The following GLYATL1 variants were observed in gnomAD, a reference collection of about 807,000 sequenced individuals.
The protein encoded by GLYATL1 is glycine N-acyltransferase-like protein 1.
A neutral mutation model predicts 20.0 loss-of-function variants in GLYATL1; 15 were observed. The observed-to-expected ratio is 0.75, with a 90% CI of 0.50 to 1.15. The LOEUF is 1.15. GLYATL1 is among the 50% of genes most tolerant of loss of function. GLYATL1 has a pLI of 0.00. For synonymous variants in GLYATL1, 151 were observed against 131.5 expected (o/e 1.15, Z -1.01); for missense variants, 380 against 368.5 (o/e 1.03, Z -0.26).
chr11:58,955,067 G>T, intron 5 of GLYATL1, 109 bp from the exon 6 acceptor site: 7 of 1,259,200 alleles, frequency 5.6e-6, no homozygotes, highest in Non-Finnish European at 7.8e-6. Context: ...TGACTGTGGT[G>T]TAAACTCAAG....
chr11:58,954,874 G>C lies in GLYATL1; in HGVS notation c.291G>C (p.Trp97Cys). ...TGAAAAATTGTGAGATCGTAAACTG[G>C]AAACAGAGACTCCAAATCCAAGGTA... ...EVLKNCEIVN[W>C]KQRLQIQGLQ... Residue 97 changes from tryptophan to cysteine, a missense_variant, in exon 5 of 7, where the codon TGG becomes TGC. Coordinates refer to ENST00000532726, the MANE Select transcript of GLYATL1 (RefSeq NM_001389712.2). 1 of 1,611,702 alleles carries C rather than the reference G, an allele frequency of 6.2e-7. No individual in the cohort carries two copies. Among genetic ancestry groups the C allele is most frequent in the South Asian group, 1.1e-5 (1 of 90,306 alleles).
chr11:58,936,000 A>G (rs1855818006), upstream of GLYATL1, among the ~76,000 whole-genome samples: 1 of 152,230 alleles, frequency 6.6e-6, no homozygotes. Context: ...TTTCTCCATG[A>G]AGTATGACTT....
At chr11:58,937,554 A>G (rs1855891804), upstream of GLYATL1, among the ~76,000 whole-genome samples, 1 of 152,204 alleles carries the variant, frequency 6.6e-6, no homozygotes, top group Non-Finnish European at 1.5e-5. Flanking sequence ...CACTGCCTCA[A>G]AGTAACTTTG....
upstream of GLYATL1, among the ~76,000 whole-genome samples, chr11:58,938,897 A>G (rs546051): frequency 0.5 from 76,221 of 151,970 alleles, 19,161 homozygotes; most frequent in East Asian, 0.58. Context: ...CCCTACAGAT[A>G]GGTGAGGAGC....
At chr11:58,934,383 G>A (rs552247762) in intron 1 of GLYATL1, 185 of 152,672 alleles carry the variant, frequency 1.2e-3, no homozygotes, top group Admixed American at 3.7e-3. Flanking sequence ...CCAGCCTGGA[G>A]TCTGATGCTG....
intron 2 of GLYATL1, among the ~76,000 whole-genome samples, chr11:58,945,568 G>A (rs191317634): frequency 1.8e-4 from 28 of 152,186 alleles, no homozygotes; most frequent in Admixed American, 1.6e-3. Flanking sequence ...GTTTTTTTGC[G>A]GGGAGTGATA....
At chr11:58,950,316 C>T (rs117676645) in intron 4 of GLYATL1, among the ~76,000 whole-genome samples, 3,074 of 151,056 alleles carry the variant, frequency 0.02, 66 homozygotes, top group Non-Finnish European at 0.026. Context: ...AAAAAATAAA[C>T]AGAGGGATAT....
chr11:58,912,976 C>T (rs138594468), downstream of GLYATL1, among the ~76,000 whole-genome samples: 50 of 152,282 alleles, frequency 3.3e-4, no homozygotes, highest in East Asian at 8.7e-3. Context: ...ATTTGAGAGG[C>T]CTCTGAGGAG....
Position 58,947,875 on chromosome 11 carries a change from T to C in GLYATL1, c.96T>C (p.Tyr32=), listed in dbSNP as rs1290623764. 1 of 1,612,992 alleles carries C rather than the reference T, an allele frequency of 6.2e-7. No individual in the cohort carries two copies. Among genetic ancestry groups the C allele is most frequent in the African/African-American group, 1.3e-5 (1 of 74,894 alleles). Residue 32 remains tyrosine, a synonymous_variant, in exon 4 of 7, where the codon TAT becomes TAC. Coordinates refer to ENST00000532726, the MANE Select transcript of GLYATL1 (RefSeq NM_001389712.2). ...TCCTTCAGGTGTATGGCTCTGTGTA[T>C]CACATCAATCACGGGAACCCCTTCA... ...PESLKVYGSV[Y]HINHGNPFNM... is the part of the protein sequence containing the mutation.
At position 58,947,932 on chromosome 11, in the gene GLYATL1, A is replaced by G. The variant is rs541928311; in HGVS notation, c.153A>G (p.Glu51=). The G allele has an allele frequency of 8.1e-6, 13 of 1,613,880 alleles. No individual in the cohort carries two copies. The Admixed American group carries it at 1.3e-4, about 17-fold the overall frequency. ...AGGTGCTGGTGGATTCCTGGCCTGA[A>G]TATCAGATGGTTATTATCCGGCCTC... is the stretch of plus-strand genomic sequence containing the variant. ...NMEVLVDSWP[E]YQMVIIRPQK... The change falls in exon 4 of 7, where the codon GAA becomes GAG. Residue 51 remains glutamate (E), a synonymous_variant. Coordinates refer to ENST00000532726, the MANE Select transcript of GLYATL1 (RefSeq NM_001389712.2).
At chr11:58,955,099 A>G in intron 5 of GLYATL1, 77 bp from the exon 6 acceptor site, 2 of 1,377,460 alleles carry the variant, frequency 1.5e-6, no homozygotes, top group Non-Finnish European at 2.0e-6. Context: ...CTAAGCACTG[A>G]GGTATTAATC....
At chr11:58,920,622 G>T (rs1855287218) in intron 1 of GLYATL1, among the ~76,000 whole-genome samples, 1 of 152,182 alleles carries the variant, frequency 6.6e-6, no homozygotes, top group Non-Finnish European at 1.5e-5. Context: ...ACTAAAGGGG[G>T]CTTCCTGGCA....
chr11:58,934,091 T>A (rs971728252), intron 1 of GLYATL1: 2 of 153,420 alleles, frequency 1.3e-5, no homozygotes, highest in African/African-American at 4.8e-5. Context: ...CTGGCCAGAT[T>A]TTGGAATGAG....
Position 58,943,525 on chromosome 11 carries a change from A to G in GLYATL1, c.-166-18A>G. On this transcript the variant is annotated intron_variant, in intron 1 of 6. Transcript: ENST00000532726. ...AACTCCTTTAAGTTTAATTCAGCTG[A>G]AGTTTTTCTTTTATCAGATGGTGTC... 1.3e-6 allele frequency: 2 copies of G among 1,596,688 alleles called. No homozygotes were observed. Among genetic ancestry groups the G allele is most frequent in the Non-Finnish European group, 1.7e-6 (2 of 1,171,500 alleles).
chr11:58,911,955 T>G (rs1655236491), downstream of GLYATL1, among the ~76,000 whole-genome samples: 1 of 152,242 alleles, frequency 6.6e-6, no homozygotes, highest in South Asian at 2.1e-4. Flanking sequence ...GTTTTATATT[T>G]AAGTCTGTGA....
At chr11:58,943,444 G>A (rs1338959437) in intron 1 of GLYATL1, 99 bp from the exon 2 acceptor site, 3 of 1,527,794 alleles carry the variant, frequency 2.0e-6, no homozygotes, top group South Asian at 1.2e-5. Flanking sequence ...GAGCCTCGGT[G>A]AATCTGCTGT....
chr11:58,913,987 C>A (rs1432847826), intron 1 of GLYATL1, among the ~76,000 whole-genome samples: 1 of 152,134 alleles, frequency 6.6e-6, no homozygotes, highest in African/African-American at 2.4e-5. Context: ...CCTCATGAGG[C>A]AAGAGTGGTC....
At chr11:58,907,105 A>G (rs976952921) in intron 1 of GLYATL1, 17 of 332,176 alleles carry the variant, frequency 5.1e-5, no homozygotes, top group African/African-American at 3.2e-4. Context: ...TTACACCATA[A>G]TAGTTTTAGG....
At position 58,954,811 on chromosome 11, in the gene GLYATL1, T is replaced by C; in HGVS notation, c.228T>C (p.Arg76=). The C allele has an allele frequency of 2.5e-6, 4 of 1,612,750 alleles. No individual in the cohort carries two copies. Among genetic ancestry groups the C allele is most frequent in the Non-Finnish European group, 3.4e-6 (4 of 1,179,290 alleles). The change falls in exon 5 of 7, where the codon CGT becomes CGC. Residue 76 remains arginine (R), a synonymous_variant. Transcript: ENST00000532726. ...DDMDSYTNVY[R]MFSKEPQKSE... ...TGGATTCATACACAAACGTATATCG[T>C]ATGTTCTCCAAAGAGCCTCAAAAAT...
Sources: allele counts gnomAD v4.1 joint callset (sites outside exome capture counted in the v4.1 genomes callset), GRCh38; gene constraint gnomAD v4.1.1; transcripts MANE v1.5; gene names NCBI Gene and HGNC (gene_info 2026-07-23, HGNC 2026-07-21).